The following VWA8 variants were observed in gnomAD, a reference collection of about 807,000 sequenced individuals.
VWA8 encodes von Willebrand factor A domain containing 8.
VWA8 carries 221 observed loss-of-function variants against 241.5 expected under a neutral mutation model. The observed-to-expected ratio is 0.91, with a 90% confidence interval of 0.82 to 1.02. The LOEUF (loss-of-function observed/expected upper bound fraction) is 1.02, where lower values mean the gene tolerates loss of function less well. VWA8 is among the 50% of genes least tolerant of loss of function. VWA8 has a pLI of 0.00. For missense variants in VWA8, 2,322 were observed against 2,328.7 expected (o/e 1.00, Z 0.06); for synonymous variants, 852 against 827.1 (o/e 1.03, Z -0.52).
chr13:41,621,629 A>G (rs1192192561), intron 37 of VWA8, among the ~76,000 whole-genome samples: 1 of 152,218 alleles, frequency 6.6e-6, no homozygotes, highest in Non-Finnish European at 1.5e-5. Context: ...ACTTTCATCA[A>G]ATATTATCTC....
intron 1 of VWA8, among the ~76,000 whole-genome samples, chr13:41,956,422 C>A (rs1288816863): frequency 6.6e-6 from 1 of 152,194 alleles, no homozygotes; most frequent in Non-Finnish European, 1.5e-5. Flanking sequence ...TAATGCAGAT[C>A]TGCCTAATGA....
chr13:41,804,470 G>A (rs1245561785), intron 17 of VWA8, among the ~76,000 whole-genome samples: 4 of 150,984 alleles, frequency 2.6e-5, no homozygotes, highest in South Asian at 4.2e-4. Flanking sequence ...AAAAGTGGAC[G>A]GATTTAATAA....
intron 12 of VWA8, among the ~76,000 whole-genome samples, chr13:41,837,348 G>A (rs1325338142): frequency 6.6e-6 from 1 of 152,268 alleles, no homozygotes; most frequent in Middle Eastern, 3.4e-3. Flanking sequence ...TCCTTAAAGA[G>A]ATAGTTGGCC....
Position 41,826,230 on chromosome 13 carries a change from T to C in VWA8, c.1700+4299A>G, listed in dbSNP as rs9566857. On this transcript the variant is annotated intron_variant, in intron 14 of 44. Transcript: ENST00000379310. ...TAACAACAAAATTAAGAAAATGGTG[T>C]GGTTCTCAGGTAAAAAGAAAAATTA... Among the ~76,000 whole-genome samples the C allele has an allele frequency of 9.5e-4, 144 of 152,282 alleles. 1 individual carries two copies. The East Asian group carries it at 0.026, about 28-fold the overall frequency.
At chr13:41,958,286 T>C (rs925347009) in intron 1 of VWA8, among the ~76,000 whole-genome samples, 1 of 152,196 alleles carries the variant, frequency 6.6e-6, no homozygotes, top group Non-Finnish European at 1.5e-5. Context: ...GTATGAACTT[T>C]CACAAAATAA....
At chr13:41,600,792 T>C (rs1419353162) in intron 40 of VWA8, among the ~76,000 whole-genome samples, 1 of 152,058 alleles carries the variant, frequency 6.6e-6, no homozygotes, top group African/African-American at 2.4e-5. Flanking sequence ...AAACCTCCCA[T>C]TTCCCTTCCC....
At chr13:41,605,428 G>A (rs2044547648) in intron 39 of VWA8, 152 bp from the exon 40 acceptor site, 1 of 703,592 alleles carries the variant, frequency 1.4e-6, no homozygotes, top group Admixed American at 2.7e-5. Context: ...CTCCAGCTGT[G>A]CTTCCAGATT....
chr13:41,701,303 T>C, intron 28 of VWA8, 89 bp downstream of exon 28: 1 of 1,435,310 alleles, frequency 7.0e-7, no homozygotes, highest in Non-Finnish European at 9.2e-7. Flanking sequence ...AAGTCTATCA[T>C]AAACTTTTTG....
intron 37 of VWA8, among the ~76,000 whole-genome samples, chr13:41,636,793 A>C (rs2044760464): frequency 6.6e-6 from 1 of 152,262 alleles, no homozygotes; most frequent in African/African-American, 2.4e-5. Flanking sequence ...ACATTTATGC[A>C]GCCAAAAGAC....
chr13:41,850,464 C>T (rs923966405), intron 12 of VWA8, among the ~76,000 whole-genome samples: 1 of 152,176 alleles, frequency 6.6e-6, no homozygotes, highest in African/African-American at 2.4e-5. Flanking sequence ...TAGTGCCACA[C>T]TGGACTCTGA....
intron 2 of VWA8, among the ~76,000 whole-genome samples, chr13:41,941,619 C>G (rs1206066760): frequency 6.6e-6 from 1 of 152,198 alleles, no homozygotes; most frequent in Non-Finnish European, 1.5e-5. Flanking sequence ...TTTAGCATAT[C>G]TCTTCAGCAT....
At chr13:41,676,740 C>T (rs1444499448) in intron 35 of VWA8, among the ~76,000 whole-genome samples, 2 of 152,096 alleles carry the variant, frequency 1.3e-5, no homozygotes, top group Non-Finnish European at 1.5e-5. Flanking sequence ...TCAAGTGGTT[C>T]TCGTGCCTCA....
intron 21 of VWA8, among the ~76,000 whole-genome samples, chr13:41,737,600 C>T (rs7332230): frequency 0.16 from 24,810 of 152,144 alleles, 2,149 homozygotes; most frequent in Non-Finnish European, 0.2. Context: ...ACAGGAAGAA[C>T]ATGTTTTCTT....
chr13:41,758,183 A>G (rs2045707697), intron 21 of VWA8, among the ~76,000 whole-genome samples: 1 of 151,098 alleles, frequency 6.6e-6, no homozygotes, highest in South Asian at 2.1e-4. Context: ...GTTCCATTTC[A>G]AACAGCCATC....
chr13:41,879,382 T>TACACACACAC (rs3073827), intron 9 of VWA8, among the ~76,000 whole-genome samples: 3 of 140,890 alleles, frequency 2.1e-5, no homozygotes, highest in Non-Finnish European at 3.1e-5. Flanking sequence ...CATACACACA[T>TACACACACAC]ACACACACAC....
At chr13:41,877,860 T>G (rs1236813588) in intron 9 of VWA8, among the ~76,000 whole-genome samples, 3 of 152,076 alleles carry the variant, frequency 2.0e-5, no homozygotes, top group African/African-American at 7.2e-5. Flanking sequence ...AACTAAAAGC[T>G]AGAAAGTATT....
intron 17 of VWA8, among the ~76,000 whole-genome samples, chr13:41,805,170 C>T (rs1275582200): frequency 6.6e-6 from 1 of 152,108 alleles, no homozygotes; most frequent in Non-Finnish European, 1.5e-5. Context: ...AAGAAACACA[C>T]TTCACATATG....
At chr13:41,876,628 G>A (rs1022568108) in intron 9 of VWA8, among the ~76,000 whole-genome samples, 2 of 152,086 alleles carry the variant, frequency 1.3e-5, no homozygotes, top group Non-Finnish European at 2.9e-5. Context: ...TAAGCTCCAC[G>A]AAGGTAGAAA....
At chr13:41,726,079 T>C (rs1335291880) in intron 24 of VWA8, among the ~76,000 whole-genome samples, 3 of 152,198 alleles carry the variant, frequency 2.0e-5, no homozygotes, top group South Asian at 2.1e-4. Context: ...GGTAAACTAC[T>C]ATACCCACTT....
Sources: allele counts gnomAD v4.1 joint callset (sites outside exome capture counted in the v4.1 genomes callset), GRCh38; gene constraint gnomAD v4.1.1; transcripts MANE v1.5; gene names NCBI Gene and HGNC (gene_info 2026-07-23, HGNC 2026-07-21).